Variants in AJUBA observed in about 807,000 individuals in gnomAD.
The protein encoded by AJUBA is LIM domain-containing protein ajuba.
In AJUBA, 20 loss-of-function variants were observed where a neutral mutation model predicts 53.3. The observed-to-expected ratio is 0.38, with a 90% CI of 0.26 to 0.55. AJUBA has a LOEUF of 0.55. Among genes scored for constraint, AJUBA ranks in the 20% least tolerant of loss-of-function variants. AJUBA has a pLI of 0.80. For missense variants in AJUBA, 580 were observed against 730.5 expected (o/e 0.79, Z 2.38); for synonymous variants, 296 against 306.2 (o/e 0.97, Z 0.35).
chr14:22,976,975 C>A, intron 2 of AJUBA: 1 of 1,355,246 alleles, frequency 7.4e-7, no homozygotes, highest in Non-Finnish European at 9.5e-7. Flanking sequence ...GGGCCCCTCC[C>A]CTAAACAAAC....
rs1435012129 is a variant in AJUBA at position 22,972,943 on chromosome 14, A to C, written c.*500T>G. The stretch of plus-strand genomic sequence containing the variant: ...AGTTTAGCTGAAACTAATTGATTTA[A>C]AGCTAGGTCCTCTACTCCTGGAATC... On this transcript the variant is annotated 3_prime_UTR_variant, in exon 8 of 8. Transcript: ENST00000262713. 1 of 157,646 alleles carries C rather than the reference A, an allele frequency of 6.3e-6. No individual in the cohort carries two copies. Among genetic ancestry groups the C allele is most frequent in the Non-Finnish European group, 1.4e-5 (1 of 70,986 alleles). 9.8% of individuals were successfully genotyped at this position (157,646 alleles called of 1,614,324 possible).
At chr14:22,974,584 G>A (rs190720765) in intron 6 of AJUBA, 70 of 496,082 alleles carry the variant, frequency 1.4e-4, no homozygotes, top group South Asian at 8.2e-4. Flanking sequence ...TGGTGACCTC[G>A]ACCTCAAAGA....
At chr14:22,973,609 T>C in intron 7 of AJUBA, 41 bp from the exon 8 acceptor site, 10 of 1,610,786 alleles carry the variant, frequency 6.2e-6, no homozygotes, top group Non-Finnish European at 7.6e-6. Context: ...CCTAGGCACC[T>C]TGGACACTGA....
intron 6 of AJUBA, 143 bp from the exon 7 acceptor site, chr14:22,974,258 T>A: frequency 2.3e-6 from 2 of 856,910 alleles, no homozygotes; most frequent in East Asian, 5.1e-5. Flanking sequence ...AGTTTTAAGA[T>A]GCTTCTGCAA....
chr14:22,982,504 G>A lies in AJUBA; in HGVS notation c.-238C>T. 7.2e-7 allele frequency: 1 copy of A among 1,392,162 alleles called. No individual in the cohort carries two copies. 86.2% of individuals were successfully genotyped at this position (1,392,162 alleles called of 1,614,324 possible). On this transcript the variant is annotated 5_prime_UTR_variant, in exon 1 of 8. Transcript: ENST00000262713. ...GGGGCTAGCAGGGTCTCTGGCCGCG[G>A]CTGTCCAGTCCGCAGGTCTATCTGT...
At position 22,979,039 on chromosome 14, in the gene AJUBA, G is replaced by A. The variant is rs1003186141; in HGVS notation, c.1007-594C>T. On this transcript the variant is annotated intron_variant, in intron 1 of 7. Coordinates refer to ENST00000262713, the MANE Select transcript of AJUBA (RefSeq NM_032876.6). The surrounding 1 kb of genome is among the most constrained non-coding windows in gnomAD (Gnocchi z 4.0). Reference sequence around the variant, plus strand: ...AGGGGACCATGTGAGCATGATTCCTGTGGGGAGGTGGCTGCTGAGAATGCA... The same window carrying A: ...AGGGGACCATGTGAGCATGATTCCTATGGGGAGGTGGCTGCTGAGAATGCA... The A allele has an allele frequency of 2.9e-5, 38 of 1,288,948 alleles. No individual in the cohort carries two copies. The highest frequency in any genetic ancestry group is 3.8e-5 in the Non-Finnish European group (38 of 988,654). 79.8% of individuals were successfully genotyped at this position (1,288,948 alleles called of 1,614,324 possible).
Position 22,981,288 on chromosome 14 carries a change from C to T in AJUBA, c.979G>A (p.Glu327Lys). 1.2e-6 allele frequency: 2 copies of T among 1,610,996 alleles called. No homozygotes were observed. The highest frequency in any genetic ancestry group is 2.2e-5 in the South Asian group (2 of 90,950). ...AAGTAGTCCTCCCTGGCCTCTGGCTCCCGCATCCGGGCCCGGGCGGCCTCC... is the reference window on the plus strand; with the variant it reads ...AAGTAGTCCTCCCTGGCCTCTGGCTTCCGCATCCGGGCCCGGGCGGCCTCC... ...VPEAARARMR[E>K]PEAREDYFGT... is the part of the protein sequence containing the mutation. The change falls in exon 1 of 8, where the codon GAG becomes AAG. Residue 327 changes from glutamate to lysine, a missense_variant. Glu to Lys is a moderately conservative substitution (Grantham distance 56, BLOSUM62 1). Transcript: ENST00000262713.
chr14:22,974,134 C>T lies in AJUBA; in HGVS notation c.1423-19G>A, dbSNP rs757145220. The stretch of plus-strand genomic sequence containing the variant: ...CACAGCCCTGAAACATGCAGACCCC[C>T]ATGGAGATGAGAGCAGCATGTTGCC... On this transcript the variant is annotated intron_variant, in intron 6 of 7. Coordinates refer to ENST00000262713, the MANE Select transcript of AJUBA (RefSeq NM_032876.6). 1.4e-5 allele frequency: 23 copies of T among 1,613,898 alleles called. No individual in the cohort carries two copies. The highest frequency in any genetic ancestry group is 1.9e-5 in the Non-Finnish European group (23 of 1,179,892).
At chr14:22,976,792 G>A in intron 2 of AJUBA, 80 bp from the exon 3 acceptor site, 2 of 1,559,614 alleles carry the variant, frequency 1.3e-6, no homozygotes, top group Non-Finnish European at 1.7e-6. Flanking sequence ...CCCCGCTGCT[G>A]CATAATATAT....
intron 7 of AJUBA, among the ~76,000 whole-genome samples, chr14:22,973,782 C>T (rs907759767): frequency 6.6e-6 from 1 of 152,146 alleles, no homozygotes; most frequent in African/African-American, 2.4e-5. Flanking sequence ...AATAATGACA[C>T]AAGCCTGTCT....
chr14:22,973,614 C>T, intron 7 of AJUBA, 46 bp from the exon 8 acceptor site: 2 of 1,609,098 alleles, frequency 1.2e-6, no homozygotes, highest in Non-Finnish European at 1.7e-6. Context: ...GCACCTTGGA[C>T]ACTGAGGGTA....
chr14:22,981,689 G>C lies in AJUBA; in HGVS notation c.578C>G (p.Ala193Gly). The change falls in exon 1 of 8, where the codon GCA becomes GGA. Residue 193 changes from alanine (A) to glycine (G), a missense_variant. Physicochemically the swap from Ala to Gly is moderately conservative, Grantham distance 60. Around this residue, in one of 2 missense-constraint regions of AJUBA, gnomAD observed 430 missense variants for 471.5 expected, o/e 0.91. Transcript: ENST00000262713. ...LFGPPLAGAP[A>G]GYSPGGVPSA... ...CGGGACCCCTCCGGGAGAATAGCCT[G>C]CCGGTGCTCCGGCCAGGGGTGGGCC... The C allele has an allele frequency of 1.3e-6, 2 of 1,519,170 alleles. No individual in the cohort carries two copies. The highest frequency in any genetic ancestry group is 8.8e-7 in the Non-Finnish European group (1 of 1,136,254). The allele number at this position is 1,519,170 out of a possible 1,614,324, so 94.1% of individuals were successfully genotyped here.
chr14:22,973,645 C>T, intron 7 of AJUBA, 77 bp from the exon 8 acceptor site: 1 of 1,561,404 alleles, frequency 6.4e-7, no homozygotes, highest in Non-Finnish European at 8.7e-7. Context: ...CTGCCCTGCT[C>T]AACACCTGAC....
Position 22,979,301 on chromosome 14 carries a change from G to C in AJUBA, c.1007-856C>G, listed in dbSNP as rs2045066126. On this transcript the variant is annotated intron_variant, in intron 1 of 7. Coordinates refer to ENST00000262713, the MANE Select transcript of AJUBA (RefSeq NM_032876.6). The surrounding 1 kb of genome is among the most constrained non-coding windows in gnomAD (Gnocchi z 4.0). ...TGAGTGAGGGCTAGGGCCTGTCTTT[G>C]GGGAGCAGATCCCAACGGGCCTGCC... Among the ~76,000 whole-genome samples, 1 of 152,216 alleles carries C rather than the reference G, an allele frequency of 6.6e-6. No homozygotes were observed. Among genetic ancestry groups the C allele is most frequent in the Non-Finnish European group, 1.5e-5 (1 of 68,032 alleles).
At chr14:22,977,967 C>A (rs2045053048) in intron 2 of AJUBA, among the ~76,000 whole-genome samples, 1 of 151,738 alleles carries the variant, frequency 6.6e-6, no homozygotes. Context: ...AGCCTGCCCC[C>A]ACCCTCCCCA....
rs73596449 is a variant in AJUBA, at chr14:22,978,158, A to G, written c.1108+186T>C. Among the ~76,000 whole-genome samples, 882 of 152,266 alleles carry G rather than the reference A, an allele frequency of 5.8e-3. 13 individuals are homozygous for G. Among genetic ancestry groups the G allele is most frequent in the African/African-American group, 0.019 (808 of 41,550 alleles). On this transcript the variant is annotated intron_variant, in intron 2 of 7. Transcript: ENST00000262713. ...GACCCACCAGGCGGAGGGAGAGCCA[A>G]GTAGAGGACAGACAGGGAAGCAAGA...
chr14:22,978,241 GA>G, intron 2 of AJUBA, 102 bp downstream of exon 2: 1 of 1,127,316 alleles, frequency 8.9e-7, no homozygotes, highest in Non-Finnish European at 1.3e-6. Context: ...GCTGCTCTGT[GA>G]GCAAATGAAG....
At position 22,982,034 on chromosome 14, in the gene AJUBA, C is replaced by G. The variant is rs1332314287; in HGVS notation, c.233G>C (p.Gly78Ala). 6.3e-7 allele frequency: 1 copy of G among 1,590,778 alleles called. No individual in the cohort carries two copies. The highest frequency in any genetic ancestry group is 8.5e-7 in the Non-Finnish European group (1 of 1,173,078). The change falls in exon 1 of 8, where the codon GGC (glycine) becomes GCC (alanine). Residue 78 changes from glycine (G) to alanine (A), a missense_variant. By Grantham distance (60) the Gly-to-Ala change is moderately conservative. Transcript: ENST00000262713. ...GSLDAERNQR[G>A]SFEAPRYEGS... is the part of the protein sequence containing the mutation. Reference sequence around the variant, plus strand: ...TTCGTAGCGCGGCGCCTCAAAGGAGCCGCGCTGATTTCGCTCAGCGTCCAG... The same window carrying G: ...TTCGTAGCGCGGCGCCTCAAAGGAGGCGCGCTGATTTCGCTCAGCGTCCAG...
rs1456056435 is a variant in AJUBA, at chr14:22,981,458, C to T, written c.809G>A (p.Cys270Tyr). 3 of 1,609,028 alleles carry T rather than the reference C, an allele frequency of 1.9e-6. No individual in the cohort carries two copies. The highest frequency in any genetic ancestry group is 1.7e-6 in the Non-Finnish European group (2 of 1,178,542). ...GRHSVTGYGD[C>Y]AVGARYQDEL... is the part of the protein sequence containing the mutation. ...GTCCTGGTACCGGGCGCCCACGGCG[C>T]AGTCCCCGTAGCCGGTCACAGAGTG... The change falls in exon 1 of 8, where the codon TGC (cysteine) becomes TAC (tyrosine). Residue 270 changes from cysteine (C) to tyrosine (Y), a missense_variant. Coordinates refer to ENST00000262713, the MANE Select transcript of AJUBA (RefSeq NM_032876.6).
Sources: allele counts gnomAD v4.1 joint callset (sites outside exome capture counted in the v4.1 genomes callset), GRCh38; gene constraint gnomAD v4.1.1; regional missense constraint gnomAD v4.1.1; non-coding constraint Gnocchi (gnomAD v3.1); transcripts MANE v1.5; gene names NCBI Gene and HGNC (gene_info 2026-07-23, HGNC 2026-07-21).